STK10: variants seen among roughly 807,000 people sequenced by gnomAD.
STK10 encodes the protein serine/threonine kinase 10, also known as serine/threonine-protein kinase 10.
In STK10, 78 loss-of-function variants were observed where a neutral mutation model predicts 113.8. The observed-to-expected ratio is 0.69, with a 90% CI of 0.57 to 0.83. The LOEUF (loss-of-function observed/expected upper bound fraction) is 0.83. Ranked by LOEUF, STK10 falls within the 40% of genes least tolerant of loss-of-function variation. The pLI, the probability that STK10 is intolerant of heterozygous loss-of-function variation, is 0.00. For synonymous variants in STK10, 465 were observed against 494.7 expected, an observed-to-expected ratio of 0.94 and a Z score of 0.80; for missense variants, 1,109 against 1,280.1, an observed-to-expected ratio of 0.87 and a Z score of 2.04.
chr5:172,120,959 C>T lies in STK10; in HGVS notation c.371-3329G>A, dbSNP rs1032367843. Among the ~76,000 whole-genome samples, 3 of 151,834 alleles carry T rather than the reference C, an allele frequency of 2.0e-5. No individual in the cohort carries two copies. The highest frequency in any genetic ancestry group is 2.1e-4 in the South Asian group (1 of 4,806). On this transcript the variant is annotated intron_variant, in intron 3 of 18. Transcript: ENST00000176763. The surrounding 1 kb of genome is among the most constrained non-coding windows in gnomAD (Gnocchi z 4.0). ...ACGGTGCATACTGTCATTTAATCCT[C>T]GCAGTAACCCAGTGAGGTGGGAAGG...
chr5:172,117,590 A>C lies in STK10; in HGVS notation c.411T>G (p.Val137=). 6.2e-7 allele frequency: 1 copy of C among 1,614,064 alleles called. No individual in the cohort carries two copies. The highest frequency in any genetic ancestry group is 8.5e-7 in the Non-Finnish European group (1 of 1,180,026). Residue 137 remains valine (V), a synonymous_variant, in exon 4 of 19, where the codon GTT becomes GTG. Transcript: ENST00000176763. ...TGAGGGCTTCTAGCATCTGGCGGCA[A>C]ACCACCTGTATCTGGGGCTCCGTGA... ...RGLTEPQIQV[V]CRQMLEALNF... is the part of the protein sequence containing the mutation.
In STK10 at chr5:172,148,619, A is replaced by G. The variant is rs185994168; in HGVS notation, c.321+8005T>C. Among the ~76,000 whole-genome samples, 651 of 152,326 alleles carry G rather than the reference A, an allele frequency of 4.3e-3. 5 individuals are homozygous for G. Among genetic ancestry groups the G allele is most frequent in the African/African-American group, 0.015 (618 of 41,582 alleles). On this transcript the variant is annotated intron_variant, in intron 2 of 18. Coordinates refer to ENST00000176763, the MANE Select transcript of STK10 (RefSeq NM_005990.4). ...GGAGCAGCTGGACAGGTCCCCCGGC[A>G]CAGGCCTCCTCACCACCAAGCCCTG...
At chr5:172,083,903 C>T (rs1299647050) in intron 10 of STK10, among the ~76,000 whole-genome samples, 1 of 137,504 alleles carries the variant, frequency 7.3e-6, no homozygotes, top group Non-Finnish European at 1.5e-5. Context: ...AGCGAAACTC[C>T]GTCTCAACAA....
At chr5:172,163,018 A>G (rs1770500915) in intron 1 of STK10, among the ~76,000 whole-genome samples, 1 of 152,222 alleles carries the variant, frequency 6.6e-6, no homozygotes. Flanking sequence ...GACAGAGGTT[A>G]GTAGGAACCA....
At chr5:172,090,443 C>T in intron 9 of STK10, 81 bp from the exon 10 acceptor site, 1 of 1,538,112 alleles carries the variant, frequency 6.5e-7, no homozygotes. Context: ...GGCCACAGCT[C>T]TGCTGGGCCC....
At chr5:172,083,923 A>C (rs1316804718) in intron 10 of STK10, among the ~76,000 whole-genome samples, 13 of 137,568 alleles carry the variant, frequency 9.4e-5, no homozygotes, top group African/African-American at 3.9e-4. Context: ...ACACAAAAAA[A>C]AGAAAAAAAA....
At position 172,137,964 on chromosome 5, in the gene STK10, G is replaced by T. The variant is rs145498100; in HGVS notation, c.322-10543C>A. ...TGCACAATTAACATCGCACTTAATG[G>T]TGAAAGACTGAAAGCTTTTCCTCCA... On this transcript the variant is annotated intron_variant, in intron 2 of 18. Coordinates refer to ENST00000176763, the MANE Select transcript of STK10 (RefSeq NM_005990.4). Among the ~76,000 whole-genome samples the T allele has an allele frequency of 2.8e-3, 419 of 151,372 alleles. 4 individuals carry two copies. Among genetic ancestry groups the T allele is most frequent in the African/African-American group, 9.9e-3 (409 of 41,242 alleles).
At chr5:172,174,595 A>C (rs1770720349) in intron 1 of STK10, among the ~76,000 whole-genome samples, 1 of 152,170 alleles carries the variant, frequency 6.6e-6, no homozygotes. Flanking sequence ...CAGAAAATAA[A>C]GAAGGAGAAA....
At chr5:172,128,160 C>T (rs191703610) in intron 2 of STK10, among the ~76,000 whole-genome samples, 2 of 146,736 alleles carry the variant, frequency 1.4e-5, no homozygotes, top group African/African-American at 5.0e-5. Context: ...CCTTCCTGAC[C>T]TCGTGATCCA....
chr5:172,136,679 TAAG>T (rs1336475016), intron 2 of STK10, among the ~76,000 whole-genome samples: 4 of 152,012 alleles, frequency 2.6e-5, no homozygotes, highest in East Asian at 1.9e-4. Context: ...TTCCAAAAAA[TAAG>T]AGGAGGAATG....
At chr5:172,114,179 G>C (rs1769310941) in intron 4 of STK10, among the ~76,000 whole-genome samples, 1 of 151,772 alleles carries the variant, frequency 6.6e-6, no homozygotes, top group Non-Finnish European at 1.5e-5. Context: ...AAAAAGACTT[G>C]GAGGGAAGCC....
chr5:172,083,423 C>T (rs934006789), intron 10 of STK10, among the ~76,000 whole-genome samples: 9 of 152,070 alleles, frequency 5.9e-5, no homozygotes, highest in Non-Finnish European at 1.5e-5. Context: ...ACTATAATTT[C>T]TTGATGTAGA....
intron 3 of STK10, 60 bp from the exon 4 acceptor site, chr5:172,117,690 G>A: frequency 6.2e-7 from 1 of 1,600,244 alleles, no homozygotes; most frequent in Non-Finnish European, 8.5e-7. Context: ...AAACTGAAAT[G>A]TCAGGCCCAC....
chr5:172,181,486 ATT>A (rs557756323), intron 1 of STK10, among the ~76,000 whole-genome samples: 29 of 144,204 alleles, frequency 2.0e-4, no homozygotes, highest in African/African-American at 3.9e-4. Context: ...ATTTATTTTA[ATT>A]TTTTTTTTTT....
intron 1 of STK10, among the ~76,000 whole-genome samples, chr5:172,166,686 C>T (rs1770577567): frequency 1.3e-5 from 2 of 152,188 alleles, no homozygotes; most frequent in African/African-American, 2.4e-5. Flanking sequence ...CAAAAACATG[C>T]AATTGTGACA....
chr5:172,117,569 G>C lies in STK10; in HGVS notation c.432C>G (p.Ala144=), dbSNP rs1296169272. ...TCCTCTTGCTGTGCAGGAAGTTGAG[G>C]GCTTCTAGCATCTGGCGGCAAACCA... ...IQVVCRQMLE[A]LNFLHSKRII... Residue 144 remains alanine (A), a synonymous_variant, in exon 4 of 19, where the codon GCC becomes GCG. Coordinates refer to ENST00000176763, the MANE Select transcript of STK10 (RefSeq NM_005990.4). 2.5e-6 allele frequency: 4 copies of C among 1,614,010 alleles called. No individual in the cohort carries two copies. The South Asian group carries it at 4.4e-5, about 18-fold the overall frequency.
At chr5:172,173,936 G>A (rs1770706841) in intron 1 of STK10, among the ~76,000 whole-genome samples, 2 of 152,224 alleles carry the variant, frequency 1.3e-5, no homozygotes, top group African/African-American at 4.8e-5. Context: ...AGCTCAAGAT[G>A]CTGAGGATCA....
intron 2 of STK10, among the ~76,000 whole-genome samples, chr5:172,131,520 A>T (rs939015748): frequency 1.3e-5 from 2 of 152,050 alleles, no homozygotes; most frequent in African/African-American, 4.8e-5. Context: ...TTAGTTCAAG[A>T]GCTCCACAAC....
Position 172,046,420 on chromosome 5 carries a change from C to T in STK10, c.2767-1398G>A, listed in dbSNP as rs529334698. On this transcript the variant is annotated intron_variant, in intron 18 of 18. Coordinates refer to ENST00000176763, the MANE Select transcript of STK10 (RefSeq NM_005990.4). ...GGCCAAACATACCATGCCTGTAAGC[C>T]AATTCCAGCACATAGGCTATCAGTT... Among the ~76,000 whole-genome samples the T allele has an allele frequency of 2.3e-3, 346 of 152,008 alleles. 3 individuals are homozygous for T. The highest frequency in any genetic ancestry group is 0.01 in the Middle Eastern group (3 of 294).
Sources: allele counts gnomAD v4.1 joint callset (sites outside exome capture counted in the v4.1 genomes callset), GRCh38; gene constraint gnomAD v4.1.1; non-coding constraint Gnocchi (gnomAD v3.1); transcripts MANE v1.5; gene names NCBI Gene and HGNC (gene_info 2026-07-23, HGNC 2026-07-21).